Variants in TMTC1 observed in about 807,000 individuals in gnomAD.
The protein encoded by TMTC1 is protein O-mannosyl-transferase TMTC1.
A neutral mutation model predicts 104.8 loss-of-function variants in TMTC1; 73 were observed. The observed-to-expected ratio is 0.70, with a 90% CI of 0.58 to 0.85. TMTC1 has a LOEUF of 0.85. Ranked by LOEUF, TMTC1 falls within the 40% of genes least tolerant of loss-of-function variation. The pLI is 0.00. For synonymous variants in TMTC1, 434 were observed against 428.7 expected (o/e 1.01, Z -0.15); for missense variants, 1,035 against 1,096.1 (o/e 0.94, Z 0.79).
chr12:29,598,206 T>C (rs902057741), intron 7 of TMTC1, among the ~76,000 whole-genome samples: 3 of 152,220 alleles, frequency 2.0e-5, no homozygotes, highest in African/African-American at 7.2e-5. Flanking sequence ...CTGTTGATAT[T>C]AATATTTGGC....
intron 5 of TMTC1, among the ~76,000 whole-genome samples, chr12:29,647,030 T>C (rs1391759466): frequency 6.6e-6 from 1 of 152,174 alleles, no homozygotes; most frequent in Admixed American, 6.5e-5. Context: ...CGAAAAAACA[T>C]GTTTCTTTTT....
intron 9 of TMTC1, among the ~76,000 whole-genome samples, chr12:29,562,504 C>G (rs1477396671): frequency 6.6e-6 from 1 of 152,192 alleles, no homozygotes; most frequent in African/African-American, 2.4e-5. Flanking sequence ...TTAAGTATTT[C>G]TCTATTCCTT....
At chr12:29,721,811 A>G (rs1942244871) in intron 5 of TMTC1, among the ~76,000 whole-genome samples, 1 of 150,948 alleles carries the variant, frequency 6.6e-6, no homozygotes, top group Admixed American at 6.6e-5. Context: ...TATCTACCAT[A>G]TAAGAAATTA....
chr12:29,655,460 T>C (rs985564018), intron 5 of TMTC1, among the ~76,000 whole-genome samples: 2 of 152,226 alleles, frequency 1.3e-5, no homozygotes, highest in East Asian at 3.8e-4. Flanking sequence ...CTATCATGTT[T>C]CTGTACATTA....
At position 29,753,099 on chromosome 12, in the gene TMTC1, T is replaced by C. The variant is rs142462623; in HGVS notation, c.732-1227A>G. ...CACTTGTAGGAAAGTACTTGCAACA[T>C]TTTGTTTCTATTACTGTTTCTTTCC... On this transcript the variant is annotated intron_variant, in intron 4 of 17. Coordinates refer to ENST00000539277, the MANE Select transcript of TMTC1 (RefSeq NM_001193451.2). 6.6e-5 allele frequency among the ~76,000 whole-genome samples: 10 copies of C among 152,226 alleles called. No homozygotes were observed. The East Asian group carries it at 1.9e-3, about 29-fold the overall frequency.
chr12:29,738,644 T>A (rs971709321), intron 5 of TMTC1, among the ~76,000 whole-genome samples: 1 of 151,892 alleles, frequency 6.6e-6, no homozygotes, highest in Non-Finnish European at 1.5e-5. Context: ...ACAACACACA[T>A]AAGAAAAAAA....
At chr12:29,701,542 G>A (rs1941594548) in intron 5 of TMTC1, among the ~76,000 whole-genome samples, 1 of 152,174 alleles carries the variant, frequency 6.6e-6, no homozygotes, top group African/African-American at 2.4e-5. Context: ...TCATAGTCCT[G>A]CATAGAAGGC....
At position 29,505,867 on chromosome 12, in the gene TMTC1, C is replaced by T. The variant is rs1486292958; in HGVS notation, c.*979G>A. On this transcript the variant is annotated 3_prime_UTR_variant, in exon 18 of 18. Coordinates refer to ENST00000539277, the MANE Select transcript of TMTC1 (RefSeq NM_001193451.2). Reference sequence around the variant, plus strand: ...AGCTCTTTTTCCATCTAGTTAGAATCTATGAAGATTTCTGTGATACATCAT... The same window carrying T: ...AGCTCTTTTTCCATCTAGTTAGAATTTATGAAGATTTCTGTGATACATCAT... The T allele has an allele frequency of 2.0e-5, 3 of 151,854 alleles. No homozygotes were observed. The highest frequency in any genetic ancestry group is 4.4e-5 in the Non-Finnish European group (3 of 67,974). 9.4% of individuals were successfully genotyped at this position (151,854 alleles called of 1,614,324 possible).
chr12:29,596,587 A>G (rs1946410857), intron 7 of TMTC1, among the ~76,000 whole-genome samples: 1 of 152,210 alleles, frequency 6.6e-6, no homozygotes, highest in Non-Finnish European at 1.5e-5. Flanking sequence ...TTATTTAGCC[A>G]ACCCATATGT....
chr12:29,512,413 C>T (rs898532908), intron 16 of TMTC1, among the ~76,000 whole-genome samples: 2 of 152,130 alleles, frequency 1.3e-5, no homozygotes, highest in African/African-American at 4.8e-5. Flanking sequence ...TTTTAACTGG[C>T]CTTGACCTGC....
At chr12:29,779,216 C>T (rs1943778800) in intron 1 of TMTC1, among the ~76,000 whole-genome samples, 1 of 152,220 alleles carries the variant, frequency 6.6e-6, no homozygotes, top group South Asian at 2.1e-4. Flanking sequence ...GGCCTGGCAG[C>T]AACAAAACCT....
intron 5 of TMTC1, among the ~76,000 whole-genome samples, chr12:29,693,611 T>A (rs770931457): frequency 1.4e-4 from 20 of 144,924 alleles, no homozygotes; most frequent in Non-Finnish European, 2.7e-4. Flanking sequence ...TATAAATTTA[T>A]TTTAAAAACT....
At chr12:29,710,182 G>C (rs998086351) in intron 5 of TMTC1, among the ~76,000 whole-genome samples, 5 of 152,072 alleles carry the variant, frequency 3.3e-5, no homozygotes, top group Non-Finnish European at 7.3e-5. Context: ...TCAAGCAGCT[G>C]CCACAATCTA....
rs1942961427 is a variant in TMTC1 at position 29,746,584 on chromosome 12, AC to A, written c.938+5081del. 1.3e-5 allele frequency among the ~76,000 whole-genome samples: 2 copies of A among 152,228 alleles called. 1 individual carries two copies. Among genetic ancestry groups the A allele is most frequent in the South Asian group, 4.1e-4 (2 of 4,834 alleles). On this transcript the variant is annotated intron_variant, in intron 5 of 17. Coordinates refer to ENST00000539277, the MANE Select transcript of TMTC1 (RefSeq NM_001193451.2). ...GGAAAAAGAGTACGATGAAAGGTCT[AC>A]AGCAATAAAACATAAAAATGACACT...
chr12:29,764,876 A>G (rs933712221), intron 2 of TMTC1, among the ~76,000 whole-genome samples: 3 of 152,164 alleles, frequency 2.0e-5, no homozygotes, highest in African/African-American at 7.2e-5. Context: ...CTTAGGAACC[A>G]ACCTTAACCA....
At chr12:29,775,332 A>C (rs1326495898) in intron 1 of TMTC1, among the ~76,000 whole-genome samples, 1 of 152,174 alleles carries the variant, frequency 6.6e-6, no homozygotes, top group East Asian at 1.9e-4. Context: ...AAAGTCGTCC[A>C]CAAAACTCCT....
chr12:29,654,720 C>CAA (rs34793977), intron 5 of TMTC1, among the ~76,000 whole-genome samples: 34,552 of 140,952 alleles, frequency 0.25, 4,041 homozygotes, highest in Non-Finnish European at 0.28. Flanking sequence ...CCATTTTTAT[C>CAA]AAAAAAAAAA....
intron 5 of TMTC1, among the ~76,000 whole-genome samples, chr12:29,645,762 C>T (rs539196613): frequency 1.3e-5 from 2 of 152,192 alleles, no homozygotes; most frequent in Admixed American, 1.3e-4. Context: ...CTGCTGACCA[C>T]GCATCAGGCT....
chr12:29,767,785 T>C (rs1592032120), intron 2 of TMTC1, 113 bp downstream of exon 2: 3 of 998,232 alleles, frequency 3.0e-6, no homozygotes, highest in Non-Finnish European at 4.3e-6. Context: ...TACACACACA[T>C]ATCTACATAT....
Sources: gnomAD v4.1 joint callset for allele counts (sites outside exome capture counted in the v4.1 genomes callset) on GRCh38, gnomAD v4.1.1 for gene constraint, MANE v1.5 for transcripts, NCBI Gene and HGNC (gene_info 2026-07-23, HGNC 2026-07-21) for gene names.